Variants in USP3 observed in about 807,000 individuals in gnomAD.
The protein encoded by USP3 is ubiquitin carboxyl-terminal hydrolase 3.
USP3 carries 20 observed loss-of-function variants against 72.3 expected under a neutral mutation model. The ratio of observed to expected loss-of-function variants is 0.28; its 90% CI spans 0.19 to 0.40. The LOEUF is 0.40. Ranked by LOEUF, USP3 falls within the 10% of genes least tolerant of loss-of-function variation. The pLI, the probability that USP3 is intolerant of heterozygous loss-of-function variation, is 1.00. For synonymous variants in USP3, 222 were observed against 225.3 expected (o/e 0.99, Z 0.13); for missense variants, 479 against 633.9 (o/e 0.76, Z 2.62).
intron 11 of USP3, among the ~76,000 whole-genome samples, chr15:63,583,144 G>A (rs1315781775): frequency 6.6e-6 from 1 of 152,158 alleles, no homozygotes; most frequent in Non-Finnish European, 1.5e-5. Context: ...TGCTGTTGAG[G>A]CATTTCTGCT....
At position 63,570,670 on chromosome 15, in the gene USP3, G is replaced by T; in HGVS notation, c.908+91G>T. 3 of 1,513,234 alleles carry T rather than the reference G, an allele frequency of 2.0e-6. No individual in the cohort carries two copies. In the East Asian group the frequency reaches 6.9e-5, roughly 35 times the overall value. 93.7% of individuals were successfully genotyped at this position (1,513,234 alleles called of 1,614,324 possible). ...GTTAGATTTATAACGGAAGGTAGAG[G>T]GGTTTCTTGGACATTTGCTGGAACT... On this transcript the variant is annotated intron_variant, in intron 9 of 14. Transcript: ENST00000380324. This position sits in a 1 kb window ranked among gnomAD's most constrained non-coding sequence, Gnocchi z 4.4.
intron 1 of USP3, among the ~76,000 whole-genome samples, chr15:63,506,318 T>C (rs2065712408): frequency 6.6e-6 from 1 of 152,106 alleles, no homozygotes; most frequent in South Asian, 2.1e-4. Flanking sequence ...ACTGTAGCCA[T>C]TGCTGTGGTG....
intron 11 of USP3, among the ~76,000 whole-genome samples, chr15:63,580,928 C>T (rs1364166727): frequency 1.3e-5 from 2 of 151,736 alleles, no homozygotes; most frequent in Non-Finnish European, 2.9e-5. Context: ...CCTGCCTCAG[C>T]CTCCCGAGTA....
At chr15:63,585,023 T>C (rs903470118) in intron 11 of USP3, among the ~76,000 whole-genome samples, 1 of 152,200 alleles carries the variant, frequency 6.6e-6, no homozygotes, top group Admixed American at 6.5e-5. Flanking sequence ...CCCCATTGAG[T>C]AGTCTTGTCA....
At chr15:63,510,458 G>A (rs1158797545) in intron 1 of USP3, among the ~76,000 whole-genome samples, 1 of 152,040 alleles carries the variant, frequency 6.6e-6, no homozygotes, top group Non-Finnish European at 1.5e-5. Flanking sequence ...CATACATACA[G>A]GTTTGTGTTC....
chr15:63,516,925 T>TC (rs1371891145), intron 1 of USP3, among the ~76,000 whole-genome samples: 2 of 151,724 alleles, frequency 1.3e-5, no homozygotes, highest in Non-Finnish European at 2.9e-5. Context: ...CCCAATTTAT[T>TC]CTTTTTTTTC....
chr15:63,572,907 C>T (rs778737540), intron 9 of USP3, among the ~76,000 whole-genome samples: 2 of 152,172 alleles, frequency 1.3e-5, no homozygotes, highest in Admixed American at 6.5e-5. Flanking sequence ...TTAACCTCAG[C>T]GTCCTCATCT....
Position 63,570,206 on chromosome 15 carries a change from A to G in USP3, c.762-227A>G, listed in dbSNP as rs1286629726. ...AAGTGAGGAGATCATTGCAAATCCA[A>G]TTAGCTCCAATATTTTTTGGTTTTC... is the stretch of plus-strand genomic sequence containing the variant. On this transcript the variant is annotated intron_variant, in intron 8 of 14. Coordinates refer to ENST00000380324, the MANE Select transcript of USP3 (RefSeq NM_006537.4). This position sits in a 1 kb window ranked among gnomAD's most constrained non-coding sequence, Gnocchi z 4.4. 6.6e-6 allele frequency among the ~76,000 whole-genome samples: 1 copy of G among 152,244 alleles called. No homozygotes were observed.
In USP3 at chr15:63,560,692, G is replaced by T. The variant is rs575431389; in HGVS notation, c.647+722G>T. ...AGTCAATTTTTGGTTGATACGGAGA[G>T]GGGGGGAAGAAAACGGACAAGTGCT... On this transcript the variant is annotated intron_variant, in intron 7 of 14. Coordinates refer to ENST00000380324, the MANE Select transcript of USP3 (RefSeq NM_006537.4). Among the ~76,000 whole-genome samples the T allele has an allele frequency of 2.6e-5, 4 of 151,888 alleles. No individual in the cohort carries two copies. The East Asian group carries it at 5.8e-4, about 22-fold the overall frequency.
intron 8 of USP3, among the ~76,000 whole-genome samples, chr15:63,569,544 T>C (rs983642350): frequency 1.3e-5 from 2 of 152,214 alleles, no homozygotes; most frequent in Admixed American, 1.3e-4. Context: ...CCAGAAAAAC[T>C]TAATGATTTA....
intron 1 of USP3, among the ~76,000 whole-genome samples, chr15:63,519,958 C>T (rs1215638192): frequency 3.3e-5 from 5 of 152,142 alleles, no homozygotes; most frequent in African/African-American, 1.2e-4. Flanking sequence ...GTGATTTGGG[C>T]ACGCGCCGTC....
chr15:63,558,224 A>G, intron 6 of USP3, 36 bp downstream of exon 6: 1 of 1,610,912 alleles, frequency 6.2e-7, no homozygotes, highest in Non-Finnish European at 8.5e-7. Flanking sequence ...GTCTGACATT[A>G]AAGGTTAAGA....
At chr15:63,510,585 G>T (rs1229720234) in intron 1 of USP3, among the ~76,000 whole-genome samples, 1 of 152,164 alleles carries the variant, frequency 6.6e-6, no homozygotes, top group Non-Finnish European at 1.5e-5. Flanking sequence ...TCTTTAGACA[G>T]GAGAGCAATT....
At chr15:63,537,326 G>C (rs146458254) in intron 3 of USP3, among the ~76,000 whole-genome samples, 170 bp downstream of exon 3, 2 of 152,196 alleles carry the variant, frequency 1.3e-5, no homozygotes, top group East Asian at 3.9e-4. Context: ...TATTCATTCA[G>C]ATTTTACTTT....
At chr15:63,508,481 G>A (rs1276920894) in intron 1 of USP3, among the ~76,000 whole-genome samples, 3 of 152,180 alleles carry the variant, frequency 2.0e-5, no homozygotes, top group Non-Finnish European at 2.9e-5. Flanking sequence ...TAAGGTAAAT[G>A]TTGAAAATAG....
chr15:63,573,939 C>T lies in USP3; in HGVS notation c.909-107C>T, dbSNP rs542032560. On this transcript the variant is annotated intron_variant, in intron 9 of 14. Coordinates refer to ENST00000380324, the MANE Select transcript of USP3 (RefSeq NM_006537.4). The stretch of plus-strand genomic sequence containing the variant: ...TAGAAATAAATGACTTAAATATTCC[C>T]TCAAAGGCAGTCATCTGTAGGGGCT... 7 of 612,088 alleles carry T rather than the reference C, an allele frequency of 1.1e-5. No individual in the cohort carries two copies. In the South Asian group the frequency reaches 3.0e-4, roughly 27 times the overall value. 37.9% of individuals were successfully genotyped at this position (612,088 alleles called of 1,614,324 possible).
intron 8 of USP3, among the ~76,000 whole-genome samples, chr15:63,563,276 G>A (rs531246689): frequency 8.5e-5 from 13 of 152,210 alleles, no homozygotes; most frequent in Admixed American, 1.3e-4. Context: ...TAACTTATGC[G>A]CACTAGGAAA....
At chr15:63,507,943 T>C (rs1047753516) in intron 1 of USP3, among the ~76,000 whole-genome samples, 1 of 152,224 alleles carries the variant, frequency 6.6e-6, no homozygotes, top group Admixed American at 6.5e-5. Flanking sequence ...AAAATGTTTT[T>C]CAAAACAAAA....
At chr15:63,533,725 C>A in intron 2 of USP3, 1 of 486,494 alleles carries the variant, frequency 2.1e-6, no homozygotes, top group Non-Finnish European at 3.3e-6. Flanking sequence ...GTATTTTTTC[C>A]ATGTGCACTT....
Sources: gnomAD v4.1 joint callset for allele counts (sites outside exome capture counted in the v4.1 genomes callset) on GRCh38, gnomAD v4.1.1 for gene constraint, Gnocchi (gnomAD v3.1) non-coding constraint, MANE v1.5 for transcripts, NCBI Gene and HGNC (gene_info 2026-07-23, HGNC 2026-07-21) for gene names.